The following DERL1 variants were observed in gnomAD, a reference collection of about 807,000 sequenced individuals.
The protein encoded by DERL1 is derlin 1.
DERL1 carries 24 observed loss-of-function variants against 41.6 expected under a neutral mutation model. The observed-to-expected ratio is 0.58, with a 90% CI of 0.42 to 0.81. The LOEUF is 0.81. Among genes scored for constraint, DERL1 ranks in the 30% least tolerant of loss-of-function variants. The probability of loss-of-function intolerance (pLI) is 0.00; values close to 1 mark genes in which losing one functional copy is unlikely to be tolerated. For synonymous variants in DERL1, 124 were observed against 112.5 expected (o/e 1.10, Z -0.65); for missense variants, 260 against 314.3 (o/e 0.83, Z 1.31).
rs1018535591 is a variant in DERL1 at position 123,023,720 on chromosome 8, T to C, written c.350A>G (p.Asp117Gly). 4.3e-6 allele frequency: 7 copies of C among 1,609,340 alleles called. No homozygotes were observed. The highest frequency in any genetic ancestry group is 5.1e-6 in the Non-Finnish European group (6 of 1,177,978). ...ICIVITGLAM[D>G]MQLLMIPLIM... is the part of the protein sequence containing the mutation. ...GTTTAAATGGACACTTACCTGCATA[T>C]CCATTGCTAAGCCAGTAATCTTGGT... is the stretch of plus-strand genomic sequence containing the variant. The change falls in exon 4 of 8, where the codon GAT (aspartate) becomes GGT (glycine). Residue 117 changes from aspartate (D) to glycine (G), a missense_variant. Asp to Gly is a moderately conservative substitution (Grantham distance 94, BLOSUM62 -1). Coordinates refer to ENST00000259512, the MANE Select transcript of DERL1 (RefSeq NM_024295.6).
intron 2 of DERL1, among the ~76,000 whole-genome samples, chr8:123,027,107 C>A (rs558200563): frequency 2.0e-5 from 3 of 151,832 alleles, no homozygotes; most frequent in Middle Eastern, 3.4e-3. Context: ...ACCAGCCTGA[C>A]CAACATGGTG....
rs985278069 is a variant in DERL1, at chr8:123,042,093, G to A, written c.30C>T (p.Ser10=). The A allele has an allele frequency of 6.2e-7, 1 of 1,613,382 alleles. No homozygotes were observed. The highest frequency in any genetic ancestry group is 1.3e-5 in the African/African-American group (1 of 75,058). Residue 10 remains serine (S), a synonymous_variant, in exon 1 of 8, where the codon AGC becomes AGT. Transcript: ENST00000259512. Reference sequence around the variant, plus strand: ...ACCAATAGCGCGTGATCGCCGGGATGCTCCTGAACCAGTCTCCGATGTCCG... The same window carrying A: ...ACCAATAGCGCGTGATCGCCGGGATACTCCTGAACCAGTCTCCGATGTCCG... MSDIGDWFR[S]IPAITRYWFA...
At chr8:123,027,412 A>C (rs2130477220) in intron 2 of DERL1, among the ~76,000 whole-genome samples, 1 of 152,022 alleles carries the variant, frequency 6.6e-6, no homozygotes, top group South Asian at 2.1e-4. Context: ...GGGTGGTGAA[A>C]TATTATAAAA....
chr8:123,016,667 A>G (rs1203043325), intron 7 of DERL1: 1 of 152,188 alleles, frequency 6.6e-6, no homozygotes, highest in Non-Finnish European at 1.5e-5. Context: ...AAGCGCTTCG[A>G]AAGTGACAGG....
chr8:123,021,386 A>T (rs1255637777), intron 6 of DERL1, 61 bp downstream of exon 6: 6 of 1,480,026 alleles, frequency 4.1e-6, no homozygotes, highest in Non-Finnish European at 5.7e-6. Flanking sequence ...AGAGAAAGAT[A>T]AAAACTAATG....
chr8:123,038,926 T>G (rs1403938200), intron 1 of DERL1, among the ~76,000 whole-genome samples: 1 of 152,200 alleles, frequency 6.6e-6, no homozygotes, highest in Non-Finnish European at 1.5e-5. Flanking sequence ...ATCTCAAGAC[T>G]TAGCACAGCC....
intron 5 of DERL1, 140 bp from the exon 6 acceptor site, chr8:123,021,639 A>C: frequency 1.4e-6 from 1 of 735,048 alleles, no homozygotes; most frequent in South Asian, 1.6e-5. Context: ...AATTTCTAGG[A>C]TCAATCTAGC....
rs182878610 is a variant in DERL1, at chr8:123,018,493, G to A, written c.617+702C>T. The A allele has an allele frequency of 2.0e-5, 3 of 152,238 alleles. No individual in the cohort carries two copies. In the East Asian group the frequency reaches 5.8e-4, roughly 29 times the overall value. The allele number at this position is 152,238 out of a possible 1,614,324, so 9.4% of individuals were successfully genotyped here. ...TACCTCATGCAGTCCTGTGAGACAG[G>A]GGCTTCTCCCACAATTTACAGGCTT... On this transcript the variant is annotated intron_variant, in intron 7 of 7. Coordinates refer to ENST00000259512, the MANE Select transcript of DERL1 (RefSeq NM_024295.6).
At chr8:123,032,601 A>C (rs1812840501) in intron 1 of DERL1, among the ~76,000 whole-genome samples, 1 of 152,242 alleles carries the variant, frequency 6.6e-6, no homozygotes, top group African/African-American at 2.4e-5. Context: ...TTTCGCTCCA[A>C]GAATGTAAGT....
chr8:123,029,421 G>A (rs1812772786), intron 2 of DERL1, among the ~76,000 whole-genome samples: 3 of 152,102 alleles, frequency 2.0e-5, no homozygotes. Flanking sequence ...GCCAATTTAA[G>A]GAAAAATGTT....
At chr8:123,041,373 C>G (rs1164656458) in intron 1 of DERL1, among the ~76,000 whole-genome samples, 1 of 152,198 alleles carries the variant, frequency 6.6e-6, no homozygotes, top group Non-Finnish European at 1.5e-5. Context: ...AATAACAAGG[C>G]CTTCCATTTC....
intron 2 of DERL1, among the ~76,000 whole-genome samples, chr8:123,027,486 T>G: frequency 6.6e-6 from 1 of 152,058 alleles, no homozygotes. Flanking sequence ...TGTGTATACT[T>G]TAAATGGGTA....
Position 123,013,710 on chromosome 8 carries a change from A to G in DERL1, c.*1737T>C, listed in dbSNP as rs1164325285. 6.6e-6 allele frequency: 1 copy of G among 152,242 alleles called. No individual in the cohort carries two copies. Among genetic ancestry groups the G allele is most frequent in the Admixed American group, 6.5e-5 (1 of 15,280 alleles). 9.4% of individuals were successfully genotyped at this position (152,242 alleles called of 1,614,324 possible). ...CAGAGACTCCGGGTCACTCACTGTC[A>G]GAATATTCTTATACATACAATGAGT... is the stretch of plus-strand genomic sequence containing the variant. On this transcript the variant is annotated 3_prime_UTR_variant, in exon 8 of 8. Transcript: ENST00000259512.
At chr8:123,024,500 T>C (rs866880673) in intron 3 of DERL1, among the ~76,000 whole-genome samples, 4 of 152,180 alleles carry the variant, frequency 2.6e-5, no homozygotes, top group African/African-American at 9.7e-5. Context: ...CTGCTATTGA[T>C]ACAAAGCAGA....
chr8:123,040,739 T>C (rs556790789), intron 1 of DERL1, among the ~76,000 whole-genome samples: 69 of 152,326 alleles, frequency 4.5e-4, no homozygotes, highest in African/African-American at 1.4e-3. Context: ...GTAGAGTCAA[T>C]AGGATTTGCT....
intron 1 of DERL1, among the ~76,000 whole-genome samples, chr8:123,040,371 A>T (rs1433990536): frequency 3.9e-5 from 6 of 152,212 alleles, no homozygotes; most frequent in Admixed American, 3.3e-4. Context: ...TAAACAACTG[A>T]GCCACGGTTA....
chr8:123,038,608 C>G (rs1212745165), intron 1 of DERL1, among the ~76,000 whole-genome samples: 2 of 152,162 alleles, frequency 1.3e-5, no homozygotes, highest in Non-Finnish European at 2.9e-5. Context: ...ATTTACATTG[C>G]TTCTTTACAA....
In DERL1 at chr8:123,019,245, T is replaced by A; in HGVS notation, c.567A>T (p.Arg189Ser). 3.1e-6 allele frequency: 5 copies of A among 1,614,138 alleles called. No homozygotes were observed. The highest frequency in any genetic ancestry group is 1.1e-5 in the South Asian group (1 of 91,080). ...VGHLYFFLMF[R>S]YPMDLGGRNF... The stretch of plus-strand genomic sequence containing the variant: ...TTCTTCCTCCCAAGTCCATTGGGTA[T>A]CTGAACATTAGGAAAAAATAAAGAT... Residue 189 changes from arginine (R) to serine (S), a missense_variant, in exon 7 of 8, where the codon AGA (arginine) becomes AGT (serine). By Grantham distance (110) the Arg-to-Ser change is moderately radical. Coordinates refer to ENST00000259512, the MANE Select transcript of DERL1 (RefSeq NM_024295.6).
intron 2 of DERL1, among the ~76,000 whole-genome samples, chr8:123,029,405 G>A (rs1453997593): frequency 6.6e-6 from 1 of 152,078 alleles, no homozygotes; most frequent in Non-Finnish European, 1.5e-5. Context: ...GAACCTAAAA[G>A]CAAATGCCAA....
Sources: allele counts gnomAD v4.1 joint callset (sites outside exome capture counted in the v4.1 genomes callset), GRCh38; gene constraint gnomAD v4.1.1; transcripts MANE v1.5; gene names NCBI Gene and HGNC (gene_info 2026-07-23, HGNC 2026-07-21).